The following DLEU7 variants were observed in gnomAD, a reference collection of about 807,000 sequenced individuals.
DLEU7 encodes the protein leukemia-associated protein 7.
A neutral mutation model predicts 16.0 loss-of-function variants in DLEU7; 17 were observed. The ratio of observed to expected loss-of-function variants is 1.06; its 90% CI spans 0.73 to 1.59. DLEU7 has a LOEUF of 1.59. Ranked by LOEUF, DLEU7 falls within the 40% of genes most tolerant of loss-of-function variation. The pLI, the probability that DLEU7 is intolerant of heterozygous loss-of-function variation, is 0.00. For missense variants in DLEU7, 308 were observed against 314.9 expected (o/e 0.98, Z 0.17); for synonymous variants, 113 against 139.8 (o/e 0.81, Z 1.35).
chr13:50,712,871 T>C, exon 2 of DLEU7: 1 of 267,474 alleles, frequency 3.7e-6, no homozygotes, highest in Admixed American at 5.0e-5. Flanking sequence ...AACATCCACT[T>C]TTCCAGGGGA....
At chr13:50,729,288 T>C (rs1873853261) in intron 1 of DLEU7, among the ~76,000 whole-genome samples, 1 of 152,206 alleles carries the variant, frequency 6.6e-6, no homozygotes, top group African/African-American at 2.4e-5. Flanking sequence ...CAGTATTTGG[T>C]TTTCTGTTCC....
At chr13:50,757,135 T>C (rs1381053601) in intron 1 of DLEU7, among the ~76,000 whole-genome samples, 1 of 152,178 alleles carries the variant, frequency 6.6e-6, no homozygotes, top group African/African-American at 2.4e-5. Flanking sequence ...CCTCTCAGGA[T>C]TTCTGGTTTA....
chr13:50,741,737 C>A (rs1874256145), intron 1 of DLEU7, among the ~76,000 whole-genome samples: 2 of 152,126 alleles, frequency 1.3e-5, no homozygotes, highest in African/African-American at 2.4e-5. Context: ...AATAGCATTT[C>A]TCACTAGAAA....
intron 1 of DLEU7, among the ~76,000 whole-genome samples, chr13:50,744,909 G>A (rs1489812395): frequency 6.6e-6 from 1 of 152,132 alleles, no homozygotes. Context: ...TCCATAAATA[G>A]AGACCAAAAA....
At chr13:50,790,029 T>C (rs943367092) in intron 1 of DLEU7, among the ~76,000 whole-genome samples, 2 of 151,336 alleles carry the variant, frequency 1.3e-5, no homozygotes, top group Non-Finnish European at 2.9e-5. Flanking sequence ...GCCTCCCAGG[T>C]TCAAGTGATT....
chr13:50,764,363 C>T (rs910332854), intron 1 of DLEU7, among the ~76,000 whole-genome samples: 6 of 152,316 alleles, frequency 3.9e-5, no homozygotes, highest in South Asian at 2.1e-4. Context: ...TATAGTTCCA[C>T]CAGAAGCTCA....
chr13:50,804,068 G>A (rs1011981211), intron 1 of DLEU7, among the ~76,000 whole-genome samples: 2 of 152,108 alleles, frequency 1.3e-5, no homozygotes, highest in African/African-American at 4.8e-5. Context: ...GGGCTAGAAT[G>A]AACAACATTT....
intron 1 of DLEU7, among the ~76,000 whole-genome samples, chr13:50,753,404 G>A (rs193115870): frequency 1.3e-5 from 2 of 152,226 alleles, no homozygotes; most frequent in African/African-American, 4.8e-5. Flanking sequence ...GCACACGGAG[G>A]GGGTGGGAGG....
chr13:50,756,036 G>T (rs948270729), intron 1 of DLEU7, among the ~76,000 whole-genome samples: 10 of 152,198 alleles, frequency 6.6e-5, no homozygotes, highest in African/African-American at 1.9e-4. Context: ...GGTACTGGGG[G>T]TTGTCTGCAC....
chr13:50,747,371 T>TGTGTGTGA (rs547782037), intron 1 of DLEU7, among the ~76,000 whole-genome samples: 5,559 of 65,904 alleles, frequency 0.084, 156 homozygotes, highest in Non-Finnish European at 0.11. Flanking sequence ...TGTGTGTGTG[T>TGTGTGTGA]GACAGAGAGG....
chr13:50,728,188 A>C (rs752372620), intron 1 of DLEU7, among the ~76,000 whole-genome samples: 1 of 152,178 alleles, frequency 6.6e-6, no homozygotes, highest in Non-Finnish European at 1.5e-5. Flanking sequence ...TAAAGTAATC[A>C]CATGAGGTTG....
At chr13:50,790,838 G>A (rs1411357075) in intron 1 of DLEU7, among the ~76,000 whole-genome samples, 1 of 152,170 alleles carries the variant, frequency 6.6e-6, no homozygotes, top group Non-Finnish European at 1.5e-5. Flanking sequence ...AGAACAACCA[G>A]GGCTGAGGCT....
chr13:50,829,852 G>A (rs757795552), intron 1 of DLEU7, among the ~76,000 whole-genome samples: 2 of 152,204 alleles, frequency 1.3e-5, no homozygotes, highest in Non-Finnish European at 2.9e-5. Flanking sequence ...CATTGCCTTC[G>A]ACCAAACTTC....
intron 1 of DLEU7, among the ~76,000 whole-genome samples, chr13:50,823,764 A>T (rs575873301): frequency 4.1e-4 from 62 of 152,352 alleles, no homozygotes; most frequent in South Asian, 8.3e-4. Context: ...GCCAAGGCCA[A>T]TAGGCCACAG....
intron 1 of DLEU7, among the ~76,000 whole-genome samples, chr13:50,813,961 AT>A (rs1178703215): frequency 7.9e-5 from 12 of 152,150 alleles, no homozygotes; most frequent in Non-Finnish European, 2.9e-5. Context: ...GCCATTTGTG[AT>A]ATGGGTTTGG....
intron 1 of DLEU7, among the ~76,000 whole-genome samples, chr13:50,747,336 G>A (rs1593539268): frequency 1.2e-5 from 1 of 86,386 alleles, no homozygotes; most frequent in Admixed American, 1.1e-4. Context: ...AAAACTCTGT[G>A]TGTGTGTGTG....
chr13:50,812,113 G>A (rs1011108274), intron 1 of DLEU7, among the ~76,000 whole-genome samples: 2 of 150,574 alleles, frequency 1.3e-5, no homozygotes, highest in Non-Finnish European at 3.0e-5. Flanking sequence ...GAAAGTTGGT[G>A]AATATCAGTG....
chr13:50,796,603 T>A (rs1464559555), intron 1 of DLEU7, among the ~76,000 whole-genome samples: 2 of 152,174 alleles, frequency 1.3e-5, no homozygotes, highest in African/African-American at 4.8e-5. Flanking sequence ...AAACCAGGTA[T>A]AAGTGGGAAC....
chr13:50,790,369 C>T (rs1026499576), intron 1 of DLEU7, among the ~76,000 whole-genome samples: 2 of 152,100 alleles, frequency 1.3e-5, no homozygotes, highest in African/African-American at 2.4e-5. Context: ...TGTTTTCCTT[C>T]TCCCAAATCC....
Sources: allele counts gnomAD v4.1 joint callset (sites outside exome capture counted in the v4.1 genomes callset), GRCh38; gene constraint gnomAD v4.1.1; transcripts MANE v1.5; gene names NCBI Gene and HGNC (gene_info 2026-07-23, HGNC 2026-07-21).